Variants in CFAP299 observed in about 807,000 individuals in gnomAD.
The protein encoded by CFAP299 is cilia- and flagella-associated protein 299.
CFAP299 carries 21 observed loss-of-function variants against 27.0 expected under a neutral mutation model. The observed-to-expected ratio is 0.78, with a 90% confidence interval of 0.55 to 1.12. The LOEUF is 1.12. Among genes scored for constraint, CFAP299 ranks in the 50% most tolerant of loss-of-function variants. The probability of loss-of-function intolerance (pLI) is 0.00; values close to 1 mark genes in which losing one functional copy is unlikely to be tolerated. For missense variants in CFAP299, 310 were observed against 276.6 expected (o/e 1.12, Z -0.86); for synonymous variants, 104 against 98.1 (o/e 1.06, Z -0.36).
chr4:80,401,662 G>A (rs889512810), intron 2 of CFAP299, among the ~76,000 whole-genome samples: 7 of 152,218 alleles, frequency 4.6e-5, no homozygotes, highest in Non-Finnish European at 8.8e-5. Flanking sequence ...CTAGGGCAGT[G>A]TGGAAGGGAA....
chr4:80,455,397 A>G (rs1729094752), intron 2 of CFAP299, among the ~76,000 whole-genome samples: 1 of 152,190 alleles, frequency 6.6e-6, no homozygotes, highest in African/African-American at 2.4e-5. Flanking sequence ...CACGGGCACA[A>G]ATGAAACAGA....
At chr4:80,550,747 G>T (rs1191452962) in intron 2 of CFAP299, among the ~76,000 whole-genome samples, 1 of 144,788 alleles carries the variant, frequency 6.9e-6, no homozygotes, top group African/African-American at 2.7e-5. Flanking sequence ...AGTACTTAAA[G>T]GTATTAACTC....
At chr4:80,499,794 C>A (rs947289578) in intron 2 of CFAP299, among the ~76,000 whole-genome samples, 2 of 152,004 alleles carry the variant, frequency 1.3e-5, no homozygotes, top group African/African-American at 2.4e-5. Flanking sequence ...AAGCACTGAG[C>A]ATTAAAAACA....
intron 3 of CFAP299, among the ~76,000 whole-genome samples, chr4:80,815,935 T>C (rs1330376084): frequency 6.6e-6 from 1 of 152,018 alleles, no homozygotes; most frequent in Non-Finnish European, 1.5e-5. Flanking sequence ...TGAAATAAAA[T>C]ATTTTTACAA....
At chr4:80,704,205 A>G (rs1721686427) in intron 3 of CFAP299, among the ~76,000 whole-genome samples, 1 of 151,660 alleles carries the variant, frequency 6.6e-6, no homozygotes, top group Non-Finnish European at 1.5e-5. Flanking sequence ...GAAAGATATG[A>G]TGGAAAGTTA....
chr4:80,375,764 T>C (rs542536360), intron 2 of CFAP299, among the ~76,000 whole-genome samples: 1 of 152,264 alleles, frequency 6.6e-6, no homozygotes, highest in South Asian at 2.1e-4. Context: ...GGCGCCACAT[T>C]TGGTGGAAAT....
At chr4:80,337,479 C>T (rs1722209537) in intron 1 of CFAP299, among the ~76,000 whole-genome samples, 2 of 151,610 alleles carry the variant, frequency 1.3e-5, no homozygotes, top group African/African-American at 4.8e-5. Flanking sequence ...CTCACTGCAA[C>T]CTCCGCTCCC....
chr4:80,809,116 A>C (rs1271201616), intron 3 of CFAP299, among the ~76,000 whole-genome samples: 4 of 152,134 alleles, frequency 2.6e-5, no homozygotes, highest in African/African-American at 4.8e-5. Context: ...AAAAGCCAAC[A>C]AACTATTTAT....
chr4:80,923,123 T>C (rs1158889755), intron 4 of CFAP299, among the ~76,000 whole-genome samples: 2 of 152,030 alleles, frequency 1.3e-5, no homozygotes, highest in Non-Finnish European at 2.9e-5. Flanking sequence ...CAAGGAGGGA[T>C]TCCTTCATGG....
intron 3 of CFAP299, among the ~76,000 whole-genome samples, chr4:80,667,271 T>A (rs565995873): frequency 6.6e-6 from 1 of 152,314 alleles, no homozygotes; most frequent in East Asian, 1.9e-4. Context: ...GTCACATAAT[T>A]TGTAAAGATC....
At chr4:80,572,507 G>GTTTTTTTTTTTTTTTTTTTGTTT (rs1735633416) in intron 2 of CFAP299, among the ~76,000 whole-genome samples, 1 of 36,380 alleles carries the variant, frequency 2.7e-5, no homozygotes, top group Non-Finnish European at 5.2e-5. Flanking sequence ...CTGGATCCCA[G>GTTTTTTTTTTTTTTTTTTTGTTT]TTTTTTTTTT....
At chr4:80,711,354 G>A (rs940497851) in intron 3 of CFAP299, among the ~76,000 whole-genome samples, 1 of 152,198 alleles carries the variant, frequency 6.6e-6, no homozygotes, top group African/African-American at 2.4e-5. Context: ...CTGAGACAAG[G>A]TGGACAGTGT....
intron 3 of CFAP299, among the ~76,000 whole-genome samples, chr4:80,785,766 A>G (rs767323124): frequency 2.6e-5 from 4 of 152,130 alleles, no homozygotes; most frequent in Non-Finnish European, 5.9e-5. Context: ...AAGCCATCTG[A>G]ATGGATATTT....
At chr4:80,777,149 T>G (rs1301333884) in intron 3 of CFAP299, among the ~76,000 whole-genome samples, 1 of 152,172 alleles carries the variant, frequency 6.6e-6, no homozygotes, top group African/African-American at 2.4e-5. Flanking sequence ...CAAAAAGGAC[T>G]AAATTTCCCC....
intron 1 of CFAP299, among the ~76,000 whole-genome samples, chr4:80,343,940 G>T (rs1211649055): frequency 1.3e-5 from 2 of 151,316 alleles, no homozygotes; most frequent in East Asian, 3.9e-4. Flanking sequence ...GAAGCTATTT[G>T]TAACTAATGA....
intron 1 of CFAP299, among the ~76,000 whole-genome samples, chr4:80,343,661 C>T (rs970427328): frequency 1.6e-4 from 25 of 151,666 alleles, no homozygotes; most frequent in African/African-American, 3.4e-4. Context: ...CGGTGGCGGG[C>T]GCCTGTAGTC....
chr4:80,962,913 C>T (rs1738416370), intron 5 of CFAP299, among the ~76,000 whole-genome samples: 2 of 151,852 alleles, frequency 1.3e-5, no homozygotes, highest in Admixed American at 1.3e-4. Flanking sequence ...ACCACATTAG[C>T]AAATACTTAT....
At chr4:80,674,038 T>C (rs1303228597) in intron 3 of CFAP299, among the ~76,000 whole-genome samples, 3 of 152,172 alleles carry the variant, frequency 2.0e-5, no homozygotes, top group Non-Finnish European at 2.9e-5. Flanking sequence ...GTTAATATTG[T>C]TATGTGTGAA....
intron 3 of CFAP299, among the ~76,000 whole-genome samples, chr4:80,708,211 T>C (rs1173301696): frequency 6.6e-6 from 1 of 152,086 alleles, no homozygotes; most frequent in East Asian, 1.9e-4. Flanking sequence ...ACATAATGTT[T>C]CCCTGATAGA....
Sources: allele counts gnomAD v4.1 joint callset (sites outside exome capture counted in the v4.1 genomes callset), GRCh38; gene constraint gnomAD v4.1.1; transcripts MANE v1.5; gene names NCBI Gene and HGNC (gene_info 2026-07-23, HGNC 2026-07-21).